Variants in SNED1 observed in about 807,000 individuals in gnomAD.
The protein encoded by SNED1 is sushi, nidogen and EGF like domains 1.
SNED1 carries 81 observed loss-of-function variants against 166.7 expected under a neutral mutation model. The ratio of observed to expected loss-of-function variants is 0.49; its 90% CI spans 0.41 to 0.58. SNED1 has a LOEUF of 0.58. Among genes scored for constraint, SNED1 ranks in the 20% least tolerant of loss-of-function variants. SNED1 has a pLI of 0.00. For synonymous variants in SNED1, 762 were observed against 822.0 expected, an observed-to-expected ratio of 0.93 and a Z score of 1.25; for missense variants, 1,604 against 2,000.2, an observed-to-expected ratio of 0.80 and a Z score of 3.78.
intron 3 of SNED1, among the ~76,000 whole-genome samples, 151 bp from the exon 4 acceptor site, chr2:241,034,414 GCCC>G (rs2061281046): frequency 6.6e-6 from 1 of 152,152 alleles, no homozygotes; most frequent in Non-Finnish European, 1.5e-5. Flanking sequence ...GCCAGGGCCA[GCCC>G]TCTCCTTGGC....
At chr2:241,059,871 G>A (rs940185621) in intron 16 of SNED1, among the ~76,000 whole-genome samples, 9 of 152,212 alleles carry the variant, frequency 5.9e-5, no homozygotes, top group South Asian at 2.1e-4. Context: ...CATTCAGTAC[G>A]TATTCCCAGC....
intron 29 of SNED1, 173 bp from the exon 30 acceptor site, chr2:241,087,219 A>C: frequency 1.7e-6 from 1 of 597,390 alleles, no homozygotes; most frequent in Non-Finnish European, 3.0e-6. Flanking sequence ...AAATCACATG[A>C]CCTTTATGTT....
chr2:241,070,537 C>A (rs1360478233), intron 24 of SNED1, among the ~76,000 whole-genome samples: 1 of 152,216 alleles, frequency 6.6e-6, no homozygotes, highest in African/African-American at 2.4e-5. Context: ...CGGAAGTGGC[C>A]TGCATTGCAG....
chr2:241,003,837 G>A (rs965452330), intron 1 of SNED1, among the ~76,000 whole-genome samples: 17 of 152,262 alleles, frequency 1.1e-4, no homozygotes, highest in African/African-American at 2.9e-4. Context: ...GATGGGCCAC[G>A]AGAAGCCATA....
intron 2 of SNED1, 142 bp downstream of exon 2, chr2:241,030,713 C>T (rs2061141865): frequency 1.1e-6 from 1 of 906,474 alleles, no homozygotes; most frequent in Non-Finnish European, 1.7e-6. Context: ...GTCAAAACCA[C>T]AGAGCCAGAG....
intron 1 of SNED1, among the ~76,000 whole-genome samples, chr2:241,026,246 G>A (rs2060965875): frequency 6.6e-6 from 1 of 152,060 alleles, no homozygotes. Flanking sequence ...TCGAACCCCT[G>A]ACCTCATGAT....
intron 12 of SNED1, 75 bp downstream of exon 12, chr2:241,050,008 G>A (rs766533172): frequency 2.8e-6 from 3 of 1,062,638 alleles, no homozygotes; most frequent in Admixed American, 1.7e-5. Flanking sequence ...CTGCTTCTCT[G>A]CTGTCTCTCT....
At chr2:241,023,863 T>TTC (rs1327824272) in intron 1 of SNED1, among the ~76,000 whole-genome samples, 1 of 148,866 alleles carries the variant, frequency 6.7e-6, no homozygotes, top group African/African-American at 2.5e-5. Context: ...TTAATTTATT[T>TTC]TCTCTCTTTT....
Position 241,064,977 on chromosome 2 carries a change from C to G in SNED1, c.2713+20C>G, listed in dbSNP as rs1431859893. ...CCAAAGGTGGGTGGCGAGGGCGCCT[C>G]CAGTGAGGGAGCCACGAGGGGGTCC... is the stretch of plus-strand genomic sequence containing the variant. On this transcript the variant is annotated intron_variant, in intron 20 of 31. Transcript: ENST00000310397. The surrounding 1 kb of genome is among the most constrained non-coding windows in gnomAD (Gnocchi z 7.0). 1.3e-6 allele frequency: 2 copies of G among 1,541,362 alleles called. No homozygotes were observed. The highest frequency in any genetic ancestry group is 2.1e-5 in the Admixed American group (1 of 47,202).
intron 8 of SNED1, among the ~76,000 whole-genome samples, chr2:241,042,599 A>G (rs2061548394): frequency 1.3e-5 from 2 of 152,232 alleles, no homozygotes; most frequent in South Asian, 4.1e-4. Context: ...GCAGATACAA[A>G]TGTTTAATTA....
At chr2:241,089,332 C>T (rs1481127861) in intron 31 of SNED1, 3 of 1,550,444 alleles carry the variant, frequency 1.9e-6, no homozygotes, top group Non-Finnish European at 2.6e-6. Context: ...GGGTAACAAG[C>T]CACTTCAAAA....
Position 241,070,000 on chromosome 2 carries a change from G to A in SNED1, c.3388G>A (p.Gly1130Ser). The change falls in exon 24 of 32, where the codon GGC becomes AGC. Residue 1130 changes from glycine to serine, a missense_variant. Around this residue, in one of 2 missense-constraint regions of SNED1, gnomAD observed 1,237 missense variants for 1,620.8 expected, o/e 0.76. Transcript: ENST00000310397. The surrounding 1 kb of genome is among the most constrained non-coding windows in gnomAD (Gnocchi z 4.9). ...CGTGGTCTGGGATGCCCCGACTCCAGGCAGCTTGCTGGAGGCTTATGTCAT... is the reference window on the plus strand; with the variant it reads ...CGTGGTCTGGGATGCCCCGACTCCAAGCAGCTTGCTGGAGGCTTATGTCAT... The part of the protein sequence containing the change: ...AHVVWDAPTP[G>S]SLLEAYVINV... 1 of 1,612,988 alleles carries A rather than the reference G, an allele frequency of 6.2e-7. No individual in the cohort carries two copies. Among genetic ancestry groups the A allele is most frequent in the Admixed American group, 1.7e-5 (1 of 60,028 alleles).
chr2:241,081,704 C>G lies in SNED1; in HGVS notation c.3944C>G (p.Pro1315Arg). ...GTCCCTGGCAACTGTTCAGAAAACCCCTGTCAGAACGGAGGCACTTGTGTG... is the reference window on the plus strand; with the variant it reads ...GTCCCTGGCAACTGTTCAGAAAACCGCTGTCAGAACGGAGGCACTTGTGTG... The part of the protein sequence containing the change: ...GNVPGNCSEN[P>R]CQNGGTCVPG... Residue 1315 changes from proline (P) to arginine (R), a missense_variant, in exon 28 of 32, where the codon CCC (proline) becomes CGC (arginine). Transcript: ENST00000310397. 1 of 1,608,522 alleles carries G rather than the reference C, an allele frequency of 6.2e-7. No individual in the cohort carries two copies. Among genetic ancestry groups the G allele is most frequent in the Non-Finnish European group, 8.5e-7 (1 of 1,177,424 alleles).
At chr2:241,070,653 C>T (rs2062662600) in intron 24 of SNED1, among the ~76,000 whole-genome samples, 1 of 152,202 alleles carries the variant, frequency 6.6e-6, no homozygotes, top group Admixed American at 6.5e-5. Context: ...AGCAGAGGCA[C>T]AGGGCAGAAG....
At chr2:241,004,867 G>A (rs6437225) in intron 1 of SNED1, among the ~76,000 whole-genome samples, 13,533 of 151,784 alleles carry the variant, frequency 0.089, 1,397 homozygotes, top group East Asian at 0.32. Context: ...GATTATAGGC[G>A]CCCACGACCA....
intron 1 of SNED1, among the ~76,000 whole-genome samples, chr2:241,026,484 C>G (rs1275137284): frequency 6.6e-6 from 1 of 152,084 alleles, no homozygotes; most frequent in African/African-American, 2.4e-5. Context: ...ATGTCTCATC[C>G]TTTCTTCTGT....
chr2:241,089,480 G>C, intron 31 of SNED1: 2 of 1,516,682 alleles, frequency 1.3e-6, no homozygotes, highest in Admixed American at 4.2e-5. Context: ...CACCCCCTTG[G>C]GGGAAAGGTC....
At chr2:241,040,024 A>G in intron 6 of SNED1, 51 bp from the exon 7 acceptor site, 3 of 1,398,330 alleles carry the variant, frequency 2.1e-6, no homozygotes, top group East Asian at 2.5e-5. Flanking sequence ...CTGTCCCCTC[A>G]GGTAACCATA....
In SNED1 at chr2:241,073,225, A is replaced by C. The variant is rs1485175458; in HGVS notation, c.3818-41A>C. The C allele has an allele frequency of 1.4e-6, 2 of 1,472,658 alleles. No individual in the cohort carries two copies. The highest frequency in any genetic ancestry group is 2.4e-5 in the South Asian group (2 of 82,484). 91.2% of individuals were successfully genotyped at this position (1,472,658 alleles called of 1,614,324 possible). A position where few individuals can be genotyped will look rare whatever the true frequency, so the allele number is the denominator to read the frequency against. On this transcript the variant is annotated intron_variant, in intron 26 of 31. Coordinates refer to ENST00000310397, the MANE Select transcript of SNED1 (RefSeq NM_001080437.3). This position sits in a 1 kb window ranked among gnomAD's most constrained non-coding sequence, Gnocchi z 6.6. ...GTGGCCCCAGGACCATCCCGGGTGC[A>C]AAGCAGCTGCGCCGTGTGGTCACCG...
Sources: allele counts gnomAD v4.1 joint callset (sites outside exome capture counted in the v4.1 genomes callset), GRCh38; gene constraint gnomAD v4.1.1; regional missense constraint gnomAD v4.1.1; non-coding constraint Gnocchi (gnomAD v3.1); transcripts MANE v1.5; gene names NCBI Gene and HGNC (gene_info 2026-07-23, HGNC 2026-07-21).